Variants in KCNQ1OT1 observed in about 807,000 individuals in gnomAD.
KCNQ1OT1 encodes KCNQ1 opposite strand/antisense transcript 1, also known as KCNQ1 antisense RNA 2 (non-protein coding).
exon 1 of KCNQ1OT1, chr11:2,610,964 T>C (rs1848971602): frequency 2.5e-6 from 1 of 398,182 alleles, no homozygotes; most frequent in South Asian, 1.3e-4. Flanking sequence ...AGACAGAAAA[T>C]CAACAAGAGT....
Position 2,642,909 on chromosome 11 carries a change from C to T in KCNQ1OT1, n.57086G>A. The T allele has an allele frequency of 2.5e-6, 1 of 397,846 alleles. No homozygotes were observed. The highest frequency in any genetic ancestry group is 4.4e-6 in the Non-Finnish European group (1 of 225,668). The allele number at this position is 397,846 out of a possible 1,614,324, so 24.6% of individuals were successfully genotyped here. A position where few individuals can be genotyped will look rare whatever the true frequency, so the allele number is the denominator to read the frequency against. On this transcript the variant is annotated non_coding_transcript_exon_variant, in exon 1 of 1. Coordinates refer to ENST00000597346, the Ensembl canonical transcript of KCNQ1OT1. The surrounding 1 kb of genome is among the most constrained non-coding windows in gnomAD (Gnocchi z 4.3). ...AAATTTTTTATTTCTGCCTTAATTT[C>T]TTCTTTGACCCATTGGTCATTCAGG...
chr11:2,690,773 C>A lies in KCNQ1OT1; in HGVS notation n.9222G>T. On this transcript the variant is annotated non_coding_transcript_exon_variant, in exon 1 of 1. Transcript: ENST00000597346. The surrounding 1 kb of genome is among the most constrained non-coding windows in gnomAD (Gnocchi z 5.1). ...AATCCCTTAGGTGGATGTGGCCTGGCAGGGGGTCAGCAGGAGGGAGGTCCC... is the reference window on the plus strand; with the variant it reads ...AATCCCTTAGGTGGATGTGGCCTGGAAGGGGGTCAGCAGGAGGGAGGTCCC... The A allele has an allele frequency of 2.5e-6, 1 of 398,596 alleles. No individual in the cohort carries two copies. The highest frequency in any genetic ancestry group is 4.4e-6 in the Non-Finnish European group (1 of 226,072). 24.7% of individuals were successfully genotyped at this position (398,596 alleles called of 1,614,324 possible).
At chr11:2,699,668 A>ACAACCGCGCC in exon 1 of KCNQ1OT1, 1 of 351,580 alleles carries the variant, frequency 2.8e-6, no homozygotes. Context: ...ACCCCCGGGG[A>ACAACCGCGCC]GAACCGCGCC....
Position 2,621,042 on chromosome 11 carries a change from A to G in KCNQ1OT1, n.78953T>C, listed in dbSNP as rs1285166896. The G allele has an allele frequency of 2.5e-6, 1 of 396,996 alleles. No individual in the cohort carries two copies. Among genetic ancestry groups the G allele is most frequent in the East Asian group, 3.6e-5 (1 of 28,058 alleles). The allele number at this position is 396,996 out of a possible 1,614,324, so 24.6% of individuals were successfully genotyped here. On this transcript the variant is annotated non_coding_transcript_exon_variant, in exon 1 of 1. Transcript: ENST00000597346. The surrounding 1 kb of genome is among the most constrained non-coding windows in gnomAD (Gnocchi z 5.7). ...TCCCAGGCTGGAGTGCAGTGGCGCA[A>G]TCTCGGCTCACTGCAACCTCCACCT... is the stretch of plus-strand genomic sequence containing the variant.
chr11:2,681,695 GC>G, exon 1 of KCNQ1OT1: 2 of 389,246 alleles, frequency 5.1e-6, no homozygotes, highest in Middle Eastern at 6.4e-4. Flanking sequence ...GGCTGCCGTT[GC>G]TTCCCATGTG....
rs945133836 is a variant in KCNQ1OT1, at chr11:2,682,737, G to A, written n.17258C>T. On this transcript the variant is annotated non_coding_transcript_exon_variant, in exon 1 of 1. Coordinates refer to ENST00000597346, the Ensembl canonical transcript of KCNQ1OT1. This position sits in a 1 kb window ranked among gnomAD's most constrained non-coding sequence, Gnocchi z 5.8. ...TAGTCATAAAGAATCTCTTCCCCTT[G>A]AGCCCACTCATCTCTGTTGACATTC... The A allele has an allele frequency of 5.0e-6, 2 of 398,486 alleles. No homozygotes were observed. The highest frequency in any genetic ancestry group is 4.1e-5 in the African/African-American group (2 of 48,598). 24.7% of individuals were successfully genotyped at this position (398,486 alleles called of 1,614,324 possible). A position where few individuals can be genotyped will look rare whatever the true frequency, so the allele number is the denominator to read the frequency against.
At position 2,634,340 on chromosome 11, in the gene KCNQ1OT1, C is replaced by T. The variant is rs1396153063; in HGVS notation, n.65655G>A. 2.3e-5 allele frequency: 5 copies of T among 217,876 alleles called. No homozygotes were observed. The Admixed American group carries it at 3.2e-4, about 14-fold the overall frequency. The allele number at this position is 217,876 out of a possible 1,614,324, so 13.5% of individuals were successfully genotyped here. A position where few individuals can be genotyped will look rare whatever the true frequency, so the allele number is the denominator to read the frequency against. ...CCCCCTCCCCCCTCCCCCCCCACCC[C>T]ACAACAGGCCCTGGTGGGTGATGTT... On this transcript the variant is annotated non_coding_transcript_exon_variant, in exon 1 of 1. Coordinates refer to ENST00000597346, the Ensembl canonical transcript of KCNQ1OT1.
exon 1 of KCNQ1OT1, chr11:2,667,907 G>T: frequency 2.5e-6 from 1 of 398,668 alleles, no homozygotes; most frequent in Non-Finnish European, 4.4e-6. Flanking sequence ...GGCATCTTCA[G>T]TCCCTGGGAC....
exon 1 of KCNQ1OT1, chr11:2,662,807 G>A (rs932761239): frequency 1.5e-5 from 6 of 398,888 alleles, no homozygotes; most frequent in African/African-American, 2.1e-5. Flanking sequence ...AGATCTGTGA[G>A]TGACACTCGC....
At chr11:2,656,753 T>C (rs1288815797) in exon 1 of KCNQ1OT1, 1 of 398,668 alleles carries the variant, frequency 2.5e-6, no homozygotes, top group East Asian at 3.6e-5. Flanking sequence ...TTCTCTCTCA[T>C]GGTTATTGCT....
rs1029180679 is a variant in KCNQ1OT1 at position 2,651,834 on chromosome 11, C to A, written n.48161G>T. 2.5e-6 allele frequency: 1 copy of A among 398,540 alleles called. No individual in the cohort carries two copies. The highest frequency in any genetic ancestry group is 4.4e-6 in the Non-Finnish European group (1 of 226,102). The allele number at this position is 398,540 out of a possible 1,614,324, so 24.7% of individuals were successfully genotyped here. A position where few individuals can be genotyped will look rare whatever the true frequency, so the allele number is the denominator to read the frequency against. The stretch of plus-strand genomic sequence containing the variant: ...TTGGAATGGAGCCCACAGGACCATA[C>A]CAGACAGATGCCACCACATCTTTTC... On this transcript the variant is annotated non_coding_transcript_exon_variant, in exon 1 of 1. Coordinates refer to ENST00000597346, the Ensembl canonical transcript of KCNQ1OT1. The surrounding 1 kb of genome is among the most constrained non-coding windows in gnomAD (Gnocchi z 6.1).
exon 1 of KCNQ1OT1, chr11:2,696,913 T>TTA (rs1850686350): frequency 7.5e-6 from 3 of 398,488 alleles, no homozygotes; most frequent in African/African-American, 2.1e-5. Context: ...TACACTGATC[T>TTA]TATATCCAAA....
At position 2,647,554 on chromosome 11, in the gene KCNQ1OT1, G is replaced by T; in HGVS notation, n.52441C>A. ...AGAATTCCTTTCTCTTCAGTCTTTT[G>T]GAATTGTCTGAGAAGAATTCATGTT... On this transcript the variant is annotated non_coding_transcript_exon_variant, in exon 1 of 1. Transcript: ENST00000597346. This position sits in a 1 kb window ranked among gnomAD's most constrained non-coding sequence, Gnocchi z 4.0. 5.0e-6 allele frequency: 2 copies of T among 398,478 alleles called. No individual in the cohort carries two copies. Among genetic ancestry groups the T allele is most frequent in the South Asian group, 1.3e-4 (1 of 7,850 alleles). The allele number at this position is 398,478 out of a possible 1,614,324, so 24.7% of individuals were successfully genotyped here.
At position 2,661,276 on chromosome 11, in the gene KCNQ1OT1, C is replaced by T. The variant is rs1040721064; in HGVS notation, n.38719G>A. The T allele has an allele frequency of 2.8e-5, 11 of 399,000 alleles. No individual in the cohort carries two copies. The highest frequency in any genetic ancestry group is 1.3e-4 in the South Asian group (1 of 7,862). The allele number at this position is 399,000 out of a possible 1,614,324, so 24.7% of individuals were successfully genotyped here. On this transcript the variant is annotated non_coding_transcript_exon_variant, in exon 1 of 1. Coordinates refer to ENST00000597346, the Ensembl canonical transcript of KCNQ1OT1. This position sits in a 1 kb window ranked among gnomAD's most constrained non-coding sequence, Gnocchi z 5.9. ...ATATTTAAATGAAGACAAATATAAG[C>T]CAAGAGCAAATACTGATAGTGTCAA...
chr11:2,628,533 T>C, exon 1 of KCNQ1OT1: 1 of 398,512 alleles, frequency 2.5e-6, no homozygotes, highest in Non-Finnish European at 4.4e-6. Flanking sequence ...TTATATATAT[T>C]GGATATTAAT....
rs1237463349 is a variant in KCNQ1OT1, at chr11:2,698,250, A to C, written n.1745T>G. The C allele has an allele frequency of 7.5e-6, 3 of 398,538 alleles. No individual in the cohort carries two copies. The highest frequency in any genetic ancestry group is 1.3e-5 in the Non-Finnish European group (3 of 226,072). 24.7% of individuals were successfully genotyped at this position (398,538 alleles called of 1,614,324 possible). On this transcript the variant is annotated non_coding_transcript_exon_variant, in exon 1 of 1. Coordinates refer to ENST00000597346, the Ensembl canonical transcript of KCNQ1OT1. The surrounding 1 kb of genome is among the most constrained non-coding windows in gnomAD (Gnocchi z 5.1). Reference sequence around the variant, plus strand: ...TGTGGATATTATCAGGAAAGTTTTTATACTTTGTGATAATCTAAGACAGAA... The same window carrying C: ...TGTGGATATTATCAGGAAAGTTTTTCTACTTTGTGATAATCTAAGACAGAA...
rs1463403889 is a variant in KCNQ1OT1 at position 2,652,296 on chromosome 11, T to C, written n.47699A>G. ...TGCACCGGTTTCCAAGGCTTCTCCC[T>C]CACTAATTGCTTTGATTATTGTGTG... On this transcript the variant is annotated non_coding_transcript_exon_variant, in exon 1 of 1. Coordinates refer to ENST00000597346, the Ensembl canonical transcript of KCNQ1OT1. This position sits in a 1 kb window ranked among gnomAD's most constrained non-coding sequence, Gnocchi z 5.9. 5.0e-6 allele frequency: 2 copies of C among 398,536 alleles called. No individual in the cohort carries two copies. The highest frequency in any genetic ancestry group is 8.8e-6 in the Non-Finnish European group (2 of 226,062). 24.7% of individuals were successfully genotyped at this position (398,536 alleles called of 1,614,324 possible).
At chr11:2,680,588 T>A in exon 1 of KCNQ1OT1, 1 of 398,508 alleles carries the variant, frequency 2.5e-6, no homozygotes. Flanking sequence ...TTACCTAGTC[T>A]CCCCCGATAG....
chr11:2,694,789 G>A (rs1850647477), exon 1 of KCNQ1OT1: 3 of 398,624 alleles, frequency 7.5e-6, no homozygotes, highest in Non-Finnish European at 1.3e-5. Context: ...GCAGAGACTC[G>A]AAAGGTAGTC....
Sources: allele counts gnomAD v4.1 joint callset, GRCh38; gene constraint gnomAD v4.1.1; non-coding constraint Gnocchi (gnomAD v3.1); transcripts MANE v1.5; gene names NCBI Gene and HGNC (gene_info 2026-07-23, HGNC 2026-07-21).